Variants in A1CF observed in about 807,000 individuals in gnomAD.
A1CF encodes the protein APOBEC1 complementation factor.
A neutral mutation model predicts 68.9 loss-of-function variants in A1CF; 48 were observed. The observed-to-expected ratio is 0.70, with a 90% CI of 0.55 to 0.89. The LOEUF (loss-of-function observed/expected upper bound fraction) is 0.89, where lower values mean the gene tolerates loss of function less well. Ranked by LOEUF, A1CF falls within the 40% of genes least tolerant of loss-of-function variation. The probability of loss-of-function intolerance (pLI) is 0.00; values close to 1 mark genes in which losing one functional copy is unlikely to be tolerated. For missense variants in A1CF, 653 were observed against 718.9 expected, an observed-to-expected ratio of 0.91 and a Z score of 1.05; for synonymous variants, 272 against 260.4, an observed-to-expected ratio of 1.04 and a Z score of -0.43.
intron 7 of A1CF, 144 bp from the exon 8 acceptor site, chr10:50,820,793 A>T (rs1330079006): frequency 1.8e-6 from 1 of 542,866 alleles, no homozygotes; most frequent in African/African-American, 1.9e-5. Flanking sequence ...AGAACATTCA[A>T]CAGAAGATTT....
At chr10:50,856,203 G>T (rs1291125536) in intron 3 of A1CF, among the ~76,000 whole-genome samples, 3 of 152,004 alleles carry the variant, frequency 2.0e-5, no homozygotes, top group Non-Finnish European at 2.9e-5. Context: ...GGAGATTATG[G>T]CCTGGAGATG....
chr10:50,826,674 A>T (rs535622403), intron 7 of A1CF, among the ~76,000 whole-genome samples: 1 of 152,306 alleles, frequency 6.6e-6, no homozygotes, highest in Admixed American at 6.5e-5. Flanking sequence ...CGACTGCAAA[A>T]ACATGCCAAA....
chr10:50,859,875 T>G lies in A1CF; in HGVS notation c.66A>C (p.Ala22=), dbSNP rs767225205. 1 of 1,614,024 alleles carries G rather than the reference T, an allele frequency of 6.2e-7. No individual in the cohort carries two copies. Among genetic ancestry groups the G allele is most frequent in the Non-Finnish European group, 8.5e-7 (1 of 1,179,954 alleles). ...SGTQKEAALR[A]LVQRTGYSLV... ...AGCTATATCCTGTGCGCTGGACCAGTGCGCGGAGGGCTGCTTCCTTCTGAG... is the reference window on the plus strand; with the variant it reads ...AGCTATATCCTGTGCGCTGGACCAGGGCGCGGAGGGCTGCTTCCTTCTGAG... Residue 22 remains alanine (A), a synonymous_variant, in exon 3 of 13, where the codon GCA becomes GCC. Transcript: ENST00000373997.
intron 8 of A1CF, among the ~76,000 whole-genome samples, chr10:50,816,715 T>A (rs1304442760): frequency 6.6e-6 from 1 of 152,174 alleles, no homozygotes; most frequent in African/African-American, 2.4e-5. Flanking sequence ...AGGAAACCAA[T>A]AAAGAAATCT....
At chr10:50,852,017 C>A (rs1840266965) in intron 3 of A1CF, among the ~76,000 whole-genome samples, 1 of 152,198 alleles carries the variant, frequency 6.6e-6, no homozygotes, top group Admixed American at 6.5e-5. Flanking sequence ...CCAATCAGTA[C>A]TCACAAATGA....
intron 1 of A1CF, among the ~76,000 whole-genome samples, chr10:50,875,348 G>T (rs1429418979): frequency 6.6e-6 from 1 of 152,104 alleles, no homozygotes; most frequent in Non-Finnish European, 1.5e-5. Context: ...TTTTGATGAG[G>T]ACTCGCCAAT....
chr10:50,831,007 A>T (rs148598964), intron 6 of A1CF, among the ~76,000 whole-genome samples: 175 of 152,348 alleles, frequency 1.1e-3, no homozygotes, highest in African/African-American at 4.0e-3. Flanking sequence ...CACACAATGG[A>T]GAAGGAACAG....
intron 7 of A1CF, 44 bp from the exon 8 acceptor site, chr10:50,820,693 A>G: frequency 2.0e-6 from 3 of 1,515,870 alleles, no homozygotes; most frequent in Non-Finnish European, 2.7e-6. Context: ...AAATTAAGAG[A>G]GCCTTGAAAG....
intron 11 of A1CF, among the ~76,000 whole-genome samples, chr10:50,810,429 A>G (rs1838048303): frequency 6.6e-6 from 1 of 152,190 alleles, no homozygotes; most frequent in African/African-American, 2.4e-5. Context: ...ATTATGTATA[A>G]AATGGTAGTT....
chr10:50,836,846 A>G (rs1839521587), intron 5 of A1CF, among the ~76,000 whole-genome samples: 1 of 151,750 alleles, frequency 6.6e-6, no homozygotes, highest in Non-Finnish European at 1.5e-5. Context: ...AGTTTCATCC[A>G]TGTCCCTACA....
At chr10:50,879,746 G>C (rs185172427) in intron 1 of A1CF, among the ~76,000 whole-genome samples, 5 of 152,178 alleles carry the variant, frequency 3.3e-5, no homozygotes, top group Admixed American at 3.3e-4. Context: ...TTTCCTTCAG[G>C]CCTAAGGATT....
At chr10:50,879,068 A>G (rs904493837) in intron 1 of A1CF, among the ~76,000 whole-genome samples, 1 of 152,152 alleles carries the variant, frequency 6.6e-6, no homozygotes, top group Non-Finnish European at 1.5e-5. Context: ...TTTAGTCCCT[A>G]TCACTCACAC....
At chr10:50,849,950 T>G (rs1274166580) in intron 3 of A1CF, among the ~76,000 whole-genome samples, 1 of 152,250 alleles carries the variant, frequency 6.6e-6, no homozygotes, top group South Asian at 2.1e-4. Flanking sequence ...CCTGCAACCA[T>G]GCCTGGCTAA....
At chr10:50,880,220 AG>A (rs746436909) in intron 1 of A1CF, among the ~76,000 whole-genome samples, 12 of 152,168 alleles carry the variant, frequency 7.9e-5, no homozygotes, top group Non-Finnish European at 1.8e-4. Flanking sequence ...CTTTGTTCAC[AG>A]GGTGGCCTGT....
chr10:50,875,656 G>A (rs1358225382), intron 1 of A1CF, among the ~76,000 whole-genome samples: 2 of 152,100 alleles, frequency 1.3e-5, no homozygotes, highest in South Asian at 2.1e-4. Context: ...TGGTACATAT[G>A]TATCCTTACC....
rs1369657735 is a variant in A1CF, at chr10:50,844,035, G to A, written c.187C>T (p.Leu63Phe). The A allele has an allele frequency of 1.9e-6, 3 of 1,613,800 alleles. No individual in the cohort carries two copies. Among genetic ancestry groups the A allele is most frequent in the Non-Finnish European group, 2.5e-6 (3 of 1,179,886 alleles). ...ERGCEIFIGK[L>F]PRDLFEDELI... ...TCATCCTCAAAAAGGTCTCGGGGAAGTTTTCCAATAAAAATTTCACAGCCC... is the reference window on the plus strand; with the variant it reads ...TCATCCTCAAAAAGGTCTCGGGGAAATTTTCCAATAAAAATTTCACAGCCC... The change falls in exon 4 of 13, where the codon CTT becomes TTT. Residue 63 changes from leucine (L) to phenylalanine (F), a missense_variant. Leu to Phe is a conservative substitution (Grantham distance 22). Coordinates refer to ENST00000373997, the MANE Select transcript of A1CF (RefSeq NM_014576.4).
rs978498993 is a variant in A1CF at position 50,836,293 on chromosome 10, C to CCCCTAAGAGG, written c.375_384dup (p.Val129ProfsTer36). On this transcript the variant is annotated frameshift_variant, in exon 6 of 13. Coordinates refer to ENST00000373997, the MANE Select transcript of A1CF (RefSeq NM_014576.4). LOFTEE classifies it high-confidence loss of function. ...CGGCAGTTGTCCACACTGGCACAAA[C>CCCCTAAGAGG]CCCTAAGAGGCGCCCATTTCTGCAA... 7 of 1,613,170 alleles carry CCCCTAAGAGG rather than the reference C, an allele frequency of 4.3e-6. No individual in the cohort carries two copies. Among genetic ancestry groups the CCCCTAAGAGG allele is most frequent in the Non-Finnish European group, 5.9e-6 (7 of 1,179,676 alleles).
chr10:50,859,759 C>A, intron 3 of A1CF, 83 bp downstream of exon 3: 1 of 1,201,124 alleles, frequency 8.3e-7, no homozygotes. Flanking sequence ...CTGACCATTC[C>A]CATTTTGCAT....
intron 7 of A1CF, among the ~76,000 whole-genome samples, chr10:50,821,554 A>G (rs1022894222): frequency 1.4e-5 from 2 of 145,020 alleles, no homozygotes; most frequent in East Asian, 4.0e-4. Flanking sequence ...TTTTTTTTTC[A>G]GACGGAGTTT....
Sources: gnomAD v4.1 joint callset for allele counts (sites outside exome capture counted in the v4.1 genomes callset) on GRCh38, gnomAD v4.1.1 for gene constraint, MANE v1.5 for transcripts, NCBI Gene and HGNC (gene_info 2026-07-23, HGNC 2026-07-21) for gene names.